The following CDH18 variants were observed in gnomAD, a reference collection of about 807,000 sequenced individuals.
The protein encoded by CDH18 is cadherin 18.
Under a neutral mutation model 67.9 loss-of-function variants are expected in CDH18, and 31 were observed. The observed-to-expected ratio is 0.46, with a 90% CI of 0.34 to 0.62. CDH18 has a LOEUF of 0.62. Among genes scored for constraint, CDH18 ranks in the 20% least tolerant of loss-of-function variants. The probability of loss-of-function intolerance (pLI) is 0.01; values close to 1 mark genes in which losing one functional copy is unlikely to be tolerated. For missense variants in CDH18, 890 were observed against 975.5 expected (o/e 0.91, Z 1.17); for synonymous variants, 362 against 347.2 (o/e 1.04, Z -0.48).
chr5:20,175,672 G>A (rs780919281), intron 2 of CDH18, among the ~76,000 whole-genome samples: 30 of 152,124 alleles, frequency 2.0e-4, no homozygotes, highest in Admixed American at 1.2e-3. Flanking sequence ...ATAAAACTGA[G>A]GAACTTGGAG....
chr5:20,191,416 A>C (rs1208740359), intron 2 of CDH18, among the ~76,000 whole-genome samples: 1 of 152,014 alleles, frequency 6.6e-6, no homozygotes, highest in African/African-American at 2.4e-5. Flanking sequence ...TCTAAAAAAA[A>C]GATACATGTG....
intron 2 of CDH18, among the ~76,000 whole-genome samples, chr5:20,182,202 G>GT (rs938836746): frequency 3.8e-4 from 58 of 151,046 alleles, no homozygotes; most frequent in Admixed American, 8.6e-4. Flanking sequence ...TCGATAACTT[G>GT]TTTTTTTTTG....
At chr5:20,386,917 A>T (rs1744359762) in intron 1 of CDH18, among the ~76,000 whole-genome samples, 1 of 152,074 alleles carries the variant, frequency 6.6e-6, no homozygotes, top group Non-Finnish European at 1.5e-5. Flanking sequence ...GTATGTGTGT[A>T]TATATAATCA....
chr5:19,587,242 T>C (rs190847013), intron 7 of CDH18, among the ~76,000 whole-genome samples: 12 of 152,272 alleles, frequency 7.9e-5, no homozygotes, highest in Non-Finnish European at 1.2e-4. Context: ...GTAATTGTGA[T>C]TTTGCAACTA....
intron 2 of CDH18, among the ~76,000 whole-genome samples, chr5:20,166,761 C>T (rs1561844238): frequency 1.3e-5 from 2 of 152,130 alleles, no homozygotes; most frequent in Admixed American, 6.5e-5. Flanking sequence ...TGACTGCAGC[C>T]TTTTGTTAAC....
chr5:20,116,081 G>T (rs77840669), intron 2 of CDH18, among the ~76,000 whole-genome samples: 1,711 of 152,276 alleles, frequency 0.011, 38 homozygotes, highest in African/African-American at 0.039. Context: ...AAGAGAAAAT[G>T]ATGTGTCTGC....
At chr5:19,813,164 T>C (rs1248004688) in intron 3 of CDH18, among the ~76,000 whole-genome samples, 1 of 151,948 alleles carries the variant, frequency 6.6e-6, no homozygotes, top group Non-Finnish European at 1.5e-5. Context: ...GGGGGAGTGA[T>C]AGCATTAGGA....
chr5:19,490,825 G>C (rs967188880), intron 11 of CDH18, among the ~76,000 whole-genome samples: 1 of 151,990 alleles, frequency 6.6e-6, no homozygotes, highest in Non-Finnish European at 1.5e-5. Context: ...GGTGGTGTGG[G>C]CTGGCAAATC....
intron 2 of CDH18, among the ~76,000 whole-genome samples, chr5:20,010,120 A>G (rs567038408): frequency 6.6e-6 from 1 of 150,828 alleles, no homozygotes; most frequent in East Asian, 2.0e-4. Flanking sequence ...GGATTAGTCT[A>G]TATTATTCTC....
chr5:19,677,447 G>T (rs1010035972), intron 5 of CDH18, among the ~76,000 whole-genome samples: 1 of 151,768 alleles, frequency 6.6e-6, no homozygotes, highest in Non-Finnish European at 1.5e-5. Flanking sequence ...ATTACTGGTC[G>T]CCACAAAAAC....
intron 4 of CDH18, among the ~76,000 whole-genome samples, chr5:19,732,694 C>T (rs1521027): frequency 0.92 from 140,189 of 152,140 alleles, 65,678 homozygotes; most frequent in East Asian, 1. Context: ...ATTGCTCCCA[C>T]CTAAGATTTA....
chr5:20,283,915 A>G (rs1412484581), intron 1 of CDH18, among the ~76,000 whole-genome samples: 3 of 152,120 alleles, frequency 2.0e-5, no homozygotes, highest in African/African-American at 7.2e-5. Flanking sequence ...CTATTTAGCC[A>G]TAAAAGGAAT....
Position 19,986,604 on chromosome 5 carries a change from C to T in CDH18, c.-376+1482G>A, listed in dbSNP as rs73762478. 5.5e-3 allele frequency among the ~76,000 whole-genome samples: 836 copies of T among 152,246 alleles called. 8 individuals are homozygous for T. The highest frequency in any genetic ancestry group is 0.019 in the African/African-American group (778 of 41,542). On this transcript the variant is annotated intron_variant, in intron 1 of 12. Coordinates refer to ENST00000382275, the MANE Select transcript of CDH18 (RefSeq NM_004934.5). ...AAGTGAATGTCTTCTAGGGGAAGTG[C>T]ATCAGTTGACCTATACCAGGTCAAT...
chr5:20,111,686 A>G (rs907738963), intron 2 of CDH18, among the ~76,000 whole-genome samples: 12 of 151,384 alleles, frequency 7.9e-5, no homozygotes, highest in Non-Finnish European at 1.3e-4. Flanking sequence ...CTGGGGCTAC[A>G]AGAGTGCGCC....
chr5:20,462,052 A>C (rs1329081592), intron 1 of CDH18, among the ~76,000 whole-genome samples: 1 of 152,214 alleles, frequency 6.6e-6, no homozygotes, highest in Non-Finnish European at 1.5e-5. Context: ...AGCCTATCAA[A>C]GGGATATCTG....
chr5:19,473,043 T>TTA lies in CDH18; in HGVS notation c.*182_*183insTA. The TTA allele has an allele frequency of 1.8e-6, 1 of 557,992 alleles. No homozygotes were observed. Among genetic ancestry groups the TTA allele is most frequent in the Non-Finnish European group, 3.0e-6 (1 of 331,844 alleles). The allele number at this position is 557,992 out of a possible 1,614,324, so 34.6% of individuals were successfully genotyped here. A position where few individuals can be genotyped will look rare whatever the true frequency, so the allele number is the denominator to read the frequency against. ...TCTTTGTATTGTCTTTTTTTTTTTT[T>TTA]TTTTACTTTCTTCCAATTAAATAAC... On this transcript the variant is annotated 3_prime_UTR_variant, in exon 13 of 13. Coordinates refer to ENST00000382275, the MANE Select transcript of CDH18 (RefSeq NM_004934.5).
At chr5:19,718,334 G>A (rs1765595097) in intron 5 of CDH18, among the ~76,000 whole-genome samples, 1 of 151,806 alleles carries the variant, frequency 6.6e-6, no homozygotes, top group Admixed American at 6.6e-5. Context: ...TACTAATTAG[G>A]GGAATGGAAT....
chr5:20,328,512 A>T (rs866296472), intron 1 of CDH18, among the ~76,000 whole-genome samples: 6 of 148,766 alleles, frequency 4.0e-5, no homozygotes, highest in African/African-American at 1.5e-4. Flanking sequence ...TGTGTGTGAG[A>T]GAGAGAGAGA....
intron 2 of CDH18, among the ~76,000 whole-genome samples, chr5:20,233,847 G>C (rs1249164629): frequency 2.0e-5 from 3 of 151,966 alleles, no homozygotes; most frequent in African/African-American, 7.3e-5. Context: ...TAATTTTGCA[G>C]TGTTCTTGTA....
Sources: gnomAD v4.1 joint callset for allele counts (sites outside exome capture counted in the v4.1 genomes callset) on GRCh38, gnomAD v4.1.1 for gene constraint, MANE v1.5 for transcripts, NCBI Gene and HGNC (gene_info 2026-07-23, HGNC 2026-07-21) for gene names.